EXOC6B: variants seen among roughly 807,000 people sequenced by gnomAD.
The protein encoded by EXOC6B is SEC15 homolog B.
Under a neutral mutation model 113.5 loss-of-function variants are expected in EXOC6B, and 54 were observed. That is an observed-to-expected ratio of 0.48 (90% CI 0.38 to 0.60). The LOEUF is 0.60. Among genes scored for constraint, EXOC6B ranks in the 20% least tolerant of loss-of-function variants. The pLI, the probability that EXOC6B is intolerant of heterozygous loss-of-function variation, is 0.00. For synonymous variants in EXOC6B, 357 were observed against 339.0 expected (o/e 1.05, Z -0.58); for missense variants, 797 against 977.5 (o/e 0.82, Z 2.46).
At chr2:72,223,813 G>A (rs1681030074) in intron 20 of EXOC6B, among the ~76,000 whole-genome samples, 1 of 152,150 alleles carries the variant, frequency 6.6e-6, no homozygotes, top group Non-Finnish European at 1.5e-5. Flanking sequence ...GAGTAATTGT[G>A]GAGCCTAGGA....
Position 72,499,984 on chromosome 2 carries a change from A to AAAAG in EXOC6B, c.1168-16_1168-13dup, listed in dbSNP as rs2105589859. ...TCAGAACAGTAAGACTAAAGTAAAT[A>AAAAG]AAAGACAAAGGAGGAAAAACATGTT... On this transcript the variant is annotated splice_polypyrimidine_tract_variant and intron_variant, in intron 11 of 21. Transcript: ENST00000272427. The AAAAG allele has an allele frequency of 6.6e-7, 1 of 1,516,634 alleles. No individual in the cohort carries two copies. Among genetic ancestry groups the AAAAG allele is most frequent in the Non-Finnish European group, 9.0e-7 (1 of 1,116,754 alleles). The allele number at this position is 1,516,634 out of a possible 1,614,324, so 93.9% of individuals were successfully genotyped here.
At chr2:72,721,093 C>A (rs13427127) in intron 5 of EXOC6B, among the ~76,000 whole-genome samples, 1 of 151,954 alleles carries the variant, frequency 6.6e-6, no homozygotes, top group Non-Finnish European at 1.5e-5. Flanking sequence ...CTTTGGGAGT[C>A]TGAGGCAGGC....
chr2:72,389,700 T>A (rs1053181366), intron 18 of EXOC6B, among the ~76,000 whole-genome samples: 2 of 152,158 alleles, frequency 1.3e-5, no homozygotes, highest in African/African-American at 4.8e-5. Flanking sequence ...TTTAATCGTG[T>A]CATTTCATTA....
chr2:72,718,661 T>C (rs1679795683), intron 5 of EXOC6B, among the ~76,000 whole-genome samples: 1 of 152,038 alleles, frequency 6.6e-6, no homozygotes, highest in Non-Finnish European at 1.5e-5. Flanking sequence ...AATTTGAGAC[T>C]AGCCGGGTCA....
chr2:72,323,519 T>C (rs1249757872), intron 20 of EXOC6B, among the ~76,000 whole-genome samples: 1 of 152,116 alleles, frequency 6.6e-6, no homozygotes, highest in African/African-American at 2.4e-5. Flanking sequence ...CATTCTACTA[T>C]AAAGACACAT....
rs548341706 is a variant in EXOC6B at position 72,421,260 on chromosome 2, C to T, written c.1981-41390G>A. On this transcript the variant is annotated intron_variant, in intron 18 of 21. Transcript: ENST00000272427. ...TACATATACTAAATTCCCAAATAGC[C>T]TTAAGTCTATTTCTAGATTATCTAT... Among the ~76,000 whole-genome samples the T allele has an allele frequency of 1.8e-4, 28 of 152,302 alleles. No individual in the cohort carries two copies. In the South Asian group the frequency reaches 5.6e-3, roughly 30 times the overall value.
At chr2:72,451,292 C>T (rs776923986) in intron 18 of EXOC6B, among the ~76,000 whole-genome samples, 3 of 152,146 alleles carry the variant, frequency 2.0e-5, no homozygotes, top group African/African-American at 4.8e-5. Flanking sequence ...GCCTGTTTGT[C>T]TGTTGAAAGA....
chr2:72,520,734 G>T (rs1260699175), intron 8 of EXOC6B, among the ~76,000 whole-genome samples: 1 of 152,120 alleles, frequency 6.6e-6, no homozygotes, highest in Non-Finnish European at 1.5e-5. Flanking sequence ...GCAAGCAATT[G>T]GCCTATAAAA....
At chr2:72,808,268 A>G (rs927477156) in intron 1 of EXOC6B, among the ~76,000 whole-genome samples, 3 of 152,248 alleles carry the variant, frequency 2.0e-5, no homozygotes, top group Admixed American at 2.0e-4. Flanking sequence ...ATTATAACAC[A>G]GTCTGATATG....
intron 18 of EXOC6B, among the ~76,000 whole-genome samples, chr2:72,405,690 C>T (rs1434385082): frequency 6.6e-6 from 1 of 152,168 alleles, no homozygotes; most frequent in Non-Finnish European, 1.5e-5. Flanking sequence ...CCTACAAGAG[C>T]TCCTGAAGGA....
rs757153793 is a variant in EXOC6B, at chr2:72,695,827, C to CAAA, written c.669+22275_669+22276insTTT. 2.1e-3 allele frequency among the ~76,000 whole-genome samples: 320 copies of CAAA among 152,218 alleles called. 1 individual carries two copies. The highest frequency in any genetic ancestry group is 3.8e-3 in the Non-Finnish European group (256 of 68,010). ...TTCTGAAGGCTAGCCTAGATCTTTG[C>CAAA]ATTGAAAAGGGCTCTAAGGCTCACT... On this transcript the variant is annotated intron_variant, in intron 6 of 21. Coordinates refer to ENST00000272427, the MANE Select transcript of EXOC6B (RefSeq NM_015189.3).
chr2:72,474,729 T>A (rs142309911), intron 17 of EXOC6B, among the ~76,000 whole-genome samples: 183 of 152,296 alleles, frequency 1.2e-3, no homozygotes, highest in Non-Finnish European at 1.9e-3. Flanking sequence ...TTAGAATCAA[T>A]CATTTAACTT....
At chr2:72,763,522 A>G (rs1013770690) in intron 1 of EXOC6B, among the ~76,000 whole-genome samples, 4 of 151,410 alleles carry the variant, frequency 2.6e-5, no homozygotes, top group African/African-American at 9.7e-5. Flanking sequence ...TCCCAGACTC[A>G]AGTGATCCTC....
intron 6 of EXOC6B, among the ~76,000 whole-genome samples, chr2:72,641,609 T>C (rs1485973664): frequency 6.6e-6 from 1 of 152,242 alleles, no homozygotes; most frequent in Admixed American, 6.5e-5. Context: ...GCTTGCTGTG[T>C]GTATAGACCC....
intron 18 of EXOC6B, among the ~76,000 whole-genome samples, chr2:72,421,906 G>A (rs1472388862): frequency 1.3e-5 from 2 of 152,204 alleles, no homozygotes; most frequent in Admixed American, 6.5e-5. Flanking sequence ...TGGTCTTGGC[G>A]GCCCCGCACT....
chr2:72,568,452 TATTTGGAGTTCCAAATATTATGAATG>T (rs1704320178), intron 7 of EXOC6B, among the ~76,000 whole-genome samples: 1 of 152,040 alleles, frequency 6.6e-6, no homozygotes, highest in African/African-American at 2.4e-5. Flanking sequence ...CAGATTACAG[TATTTGGAGTTCCAAATATTATGAATG>T]ATGCATGCCA....
intron 19 of EXOC6B, among the ~76,000 whole-genome samples, chr2:72,337,735 T>C (rs1688772689): frequency 6.6e-6 from 1 of 152,194 alleles, no homozygotes; most frequent in East Asian, 1.9e-4. Flanking sequence ...TTTTCACATA[T>C]AGTTTATGGA....
intron 2 of EXOC6B, among the ~76,000 whole-genome samples, chr2:72,733,659 A>C (rs560147599): frequency 6.6e-6 from 1 of 152,320 alleles, no homozygotes; most frequent in Non-Finnish European, 1.5e-5. Flanking sequence ...TCCATCAGAT[A>C]GTCAAAAATT....
At chr2:72,790,312 T>C (rs550357392) in intron 1 of EXOC6B, among the ~76,000 whole-genome samples, 24 of 152,314 alleles carry the variant, frequency 1.6e-4, no homozygotes, top group African/African-American at 5.1e-4. Flanking sequence ...AGCACTAAGT[T>C]GTGAGTTTCT....
Sources: allele counts gnomAD v4.1 joint callset (sites outside exome capture counted in the v4.1 genomes callset), GRCh38; gene constraint gnomAD v4.1.1; transcripts MANE v1.5; gene names NCBI Gene and HGNC (gene_info 2026-07-23, HGNC 2026-07-21).